ARHGAP28: variants seen among roughly 807,000 people sequenced by gnomAD.
The protein encoded by ARHGAP28 is Rho GTPase activating protein 28.
A neutral mutation model predicts 90.7 loss-of-function variants in ARHGAP28; 56 were observed. The ratio of observed to expected loss-of-function variants is 0.62; its 90% CI spans 0.50 to 0.77. The LOEUF is 0.77. Among genes scored for constraint, ARHGAP28 ranks in the 30% least tolerant of loss-of-function variants. The pLI is 0.00. For missense variants in ARHGAP28, 869 were observed against 900.9 expected (o/e 0.96, Z 0.45); for synonymous variants, 308 against 323.3 (o/e 0.95, Z 0.51).
At chr18:6,766,551 C>T (rs999788000) in intron 1 of ARHGAP28, among the ~76,000 whole-genome samples, 7 of 152,076 alleles carry the variant, frequency 4.6e-5, no homozygotes, top group Admixed American at 1.3e-4. Context: ...TGGTACTAAA[C>T]GGGGCTGATA....
At chr18:6,887,324 G>C (rs2057229824) in intron 12 of ARHGAP28, 85 bp downstream of exon 12, 32 of 1,296,084 alleles carry the variant, frequency 2.5e-5, no homozygotes, top group Non-Finnish European at 3.4e-5. Context: ...AAGTGGAGAT[G>C]ACAGCTCACT....
At chr18:6,798,822 A>C (rs1182759163) in intron 1 of ARHGAP28, among the ~76,000 whole-genome samples, 2 of 152,234 alleles carry the variant, frequency 1.3e-5, no homozygotes, top group African/African-American at 4.8e-5. Context: ...CACCAAAGTG[A>C]TTTAAATAAA....
intron 1 of ARHGAP28, among the ~76,000 whole-genome samples, chr18:6,742,924 C>T (rs761826393): frequency 6.6e-5 from 10 of 152,086 alleles, no homozygotes; most frequent in Admixed American, 1.3e-4. Flanking sequence ...GCTAAATGAA[C>T]AATATGGTAA....
At chr18:6,890,296 T>C (rs2057254647) in intron 13 of ARHGAP28, 134 bp from the exon 14 acceptor site, 3 of 768,920 alleles carry the variant, frequency 3.9e-6, no homozygotes, top group African/African-American at 1.8e-5. Flanking sequence ...TTCTAAACTT[T>C]ATAAGGACAA....
chr18:6,782,982 T>G (rs1254706504), intron 1 of ARHGAP28, among the ~76,000 whole-genome samples: 1 of 152,126 alleles, frequency 6.6e-6, no homozygotes, highest in Non-Finnish European at 1.5e-5. Flanking sequence ...TTTTGGGCCA[T>G]GTGCTCCTGA....
intron 10 of ARHGAP28, among the ~76,000 whole-genome samples, chr18:6,879,668 C>T (rs562493795): frequency 2.6e-5 from 4 of 152,322 alleles, no homozygotes; most frequent in African/African-American, 7.2e-5. Flanking sequence ...GCCGCATACG[C>T]GTGGGATTCC....
Position 6,729,804 on chromosome 18 carries a change from A to G in ARHGAP28, c.-18A>G. ...GGTCTTTGTTCTGGGGCCGGCGCCGAGACATGCGCGGCTGACGATGGAGGT... is the reference window on the plus strand; with the variant it reads ...GGTCTTTGTTCTGGGGCCGGCGCCGGGACATGCGCGGCTGACGATGGAGGT... On this transcript the variant is annotated 5_prime_UTR_variant, in exon 1 of 18. Transcript: ENST00000383472. 2 of 1,394,046 alleles carry G rather than the reference A, an allele frequency of 1.4e-6. No homozygotes were observed. Among genetic ancestry groups the G allele is most frequent in the Non-Finnish European group, 1.9e-6 (2 of 1,077,250 alleles). 86.4% of individuals were successfully genotyped at this position (1,394,046 alleles called of 1,614,324 possible).
At chr18:6,739,636 G>A (rs973064703) in intron 1 of ARHGAP28, among the ~76,000 whole-genome samples, 8 of 137,748 alleles carry the variant, frequency 5.8e-5, no homozygotes, top group Admixed American at 4.4e-4. Context: ...CATTCAAATT[G>A]ACTAAGCTTT....
chr18:6,870,637 T>G lies in ARHGAP28; in HGVS notation c.859T>G (p.Ser287Ala). Residue 287 changes from serine to alanine, a missense_variant, in exon 7 of 18, where the codon TCA (serine) becomes GCA (alanine). By Grantham distance (99) the Ser-to-Ala change is moderately conservative. Coordinates refer to ENST00000383472, the MANE Select transcript of ARHGAP28 (RefSeq NM_001366230.1). The stretch of plus-strand genomic sequence containing the variant: ...CATTCCACCAGAGGCTGAAGAGCTG[T>G]CATTTGAAGTGTCTTATTCAGAAAT... ...KNIPPEAEEL[S>A]FEVSYSEMVT... 1 of 1,612,994 alleles carries G rather than the reference T, an allele frequency of 6.2e-7. No homozygotes were observed. The highest frequency in any genetic ancestry group is 1.1e-5 in the South Asian group (1 of 90,920).
intron 3 of ARHGAP28, among the ~76,000 whole-genome samples, chr18:6,841,186 T>TCTCTCTCTCTC (rs2056816581): frequency 1.7e-5 from 1 of 57,802 alleles, no homozygotes; most frequent in African/African-American, 8.9e-5. Context: ...CTCTCCTCTC[T>TCTCTCTCTCTC]CTCTCTCTCT....
At chr18:6,805,219 T>G (rs890407802) in intron 1 of ARHGAP28, among the ~76,000 whole-genome samples, 1 of 152,208 alleles carries the variant, frequency 6.6e-6, no homozygotes, top group Non-Finnish European at 1.5e-5. Flanking sequence ...CTGTATTTGT[T>G]TTGAAGCTCT....
intron 1 of ARHGAP28, among the ~76,000 whole-genome samples, chr18:6,739,265 C>A (rs954145222): frequency 2.6e-5 from 4 of 152,080 alleles, no homozygotes; most frequent in Non-Finnish European, 5.9e-5. Context: ...TATTAGCAAC[C>A]AGCAAGAGCA....
rs11350947 is a variant in ARHGAP28 at position 6,787,219 on chromosome 18, T to TAA, written c.123-37521_123-37520dup. 8.5e-5 allele frequency among the ~76,000 whole-genome samples: 8 copies of TAA among 94,588 alleles called. 1 individual carries two copies. The highest frequency in any genetic ancestry group is 5.0e-4 in the Admixed American group (4 of 8,040). 62.1% of individuals were successfully genotyped at this position (94,588 alleles called of 152,430 possible). On this transcript the variant is annotated intron_variant, in intron 1 of 17. Coordinates refer to ENST00000383472, the MANE Select transcript of ARHGAP28 (RefSeq NM_001366230.1). ...TGGGCAACAAGAGCGAAACTCCATTTAAAAAAAAAAAAAAAAAAAAAAAGG... is the reference window on the plus strand; with the variant it reads ...TGGGCAACAAGAGCGAAACTCCATTTAAAAAAAAAAAAAAAAAAAAAAAAAGG...
chr18:6,888,053 G>A (rs904232026), intron 12 of ARHGAP28, among the ~76,000 whole-genome samples: 11 of 152,178 alleles, frequency 7.2e-5, no homozygotes, highest in African/African-American at 2.7e-4. Flanking sequence ...AATTTAAATA[G>A]TTCTAGAATT....
At chr18:6,745,182 T>C (rs1321986729) in intron 1 of ARHGAP28, among the ~76,000 whole-genome samples, 1 of 152,210 alleles carries the variant, frequency 6.6e-6, no homozygotes, top group Non-Finnish European at 1.5e-5. Context: ...TTCACTTTTT[T>C]TCCTCATTTT....
intron 1 of ARHGAP28, among the ~76,000 whole-genome samples, chr18:6,746,811 GAA>G (rs1231280790): frequency 6.6e-6 from 1 of 152,166 alleles, no homozygotes; most frequent in Non-Finnish European, 1.5e-5. Context: ...AAGAGAAAGA[GAA>G]AGAGAGAGAA....
intron 1 of ARHGAP28, among the ~76,000 whole-genome samples, chr18:6,743,520 CAA>C (rs2055997014): frequency 6.6e-6 from 1 of 152,138 alleles, no homozygotes; most frequent in Non-Finnish European, 1.5e-5. Flanking sequence ...CCTTCCTTTA[CAA>C]AGTCTTCCCT....
At chr18:6,840,763 A>G (rs1489191268) in intron 3 of ARHGAP28, among the ~76,000 whole-genome samples, 3 of 152,156 alleles carry the variant, frequency 2.0e-5, no homozygotes, top group African/African-American at 4.8e-5. Context: ...AAGAAAGACC[A>G]TGTATTCTAG....
chr18:6,775,537 AC>A (rs1240640389), intron 1 of ARHGAP28, among the ~76,000 whole-genome samples: 1 of 151,724 alleles, frequency 6.6e-6, no homozygotes, highest in African/African-American at 2.4e-5. Context: ...TTTTAGTTTT[AC>A]CTCCGATTTC....
Sources: allele counts gnomAD v4.1 joint callset (sites outside exome capture counted in the v4.1 genomes callset), GRCh38; gene constraint gnomAD v4.1.1; transcripts MANE v1.5; gene names NCBI Gene and HGNC (gene_info 2026-07-23, HGNC 2026-07-21).